Variants in PRLR observed in about 807,000 individuals in gnomAD.
PRLR encodes the protein hPRL receptor.
A neutral mutation model predicts 40.2 loss-of-function variants in PRLR; 13 were observed. That is an observed-to-expected ratio of 0.32 (90% CI 0.21 to 0.51). The LOEUF (loss-of-function observed/expected upper bound fraction) is 0.51, where lower values mean the gene tolerates loss of function less well. Ranked by LOEUF, PRLR falls within the 20% of genes least tolerant of loss-of-function variation. The probability of loss-of-function intolerance (pLI) is 0.97; values close to 1 mark genes in which losing one functional copy is unlikely to be tolerated. For synonymous variants in PRLR, 269 were observed against 278.7 expected (o/e 0.97, Z 0.35); for missense variants, 656 against 747.3 (o/e 0.88, Z 1.42).
chr5:35,199,815 C>A (rs1027354534), intron 1 of PRLR, among the ~76,000 whole-genome samples: 3 of 151,922 alleles, frequency 2.0e-5, no homozygotes, highest in African/African-American at 4.8e-5. Context: ...AAATTTGCAC[C>A]CGAAGGTATT....
rs554162190 is a variant in PRLR at position 35,200,585 on chromosome 5, G to A, written c.-106+29683C>T. 3.0e-4 allele frequency among the ~76,000 whole-genome samples: 46 copies of A among 152,310 alleles called. No homozygotes were observed. The Middle Eastern group carries it at 0.01, about 34-fold the overall frequency. On this transcript the variant is annotated intron_variant, in intron 1 of 9. Transcript: ENST00000618457. ...CAAGAACAAGGCTTTTCTTAACCAA[G>A]CTGTCCTGGCAGCTGAGGAAGGAGT...
chr5:35,052,458 G>A (rs972886908), downstream of PRLR, among the ~76,000 whole-genome samples: 2 of 152,084 alleles, frequency 1.3e-5, no homozygotes, highest in African/African-American at 4.8e-5. Flanking sequence ...ATAACTAAGG[G>A]TATCTGAAAA....
At chr5:35,117,442 T>G (rs1045624638) in intron 2 of PRLR, among the ~76,000 whole-genome samples, 4 of 152,188 alleles carry the variant, frequency 2.6e-5, no homozygotes, top group Admixed American at 2.0e-4. Context: ...TTGCCTGTAG[T>G]GTAGACAGAG....
chr5:35,102,497 A>T (rs138830464), intron 2 of PRLR, among the ~76,000 whole-genome samples: 9,031 of 68,464 alleles, frequency 0.13, 597 homozygotes, highest in African/African-American at 0.19. Context: ...TCTCCTCTCC[A>T]CTCCTCTCCT....
chr5:35,177,955 A>C (rs1775191896), intron 1 of PRLR, among the ~76,000 whole-genome samples: 1 of 151,254 alleles, frequency 6.6e-6, no homozygotes, highest in Non-Finnish European at 1.5e-5. Context: ...AATTGTCCAC[A>C]TCCTTGCCAA....
At chr5:35,208,177 G>GCGCA (rs1554056224) in intron 1 of PRLR, among the ~76,000 whole-genome samples, 6 of 87,242 alleles carry the variant, frequency 6.9e-5, no homozygotes, top group African/African-American at 1.3e-4. Flanking sequence ...CCACGCGCGC[G>GCGCA]CACACACACA....
intron 1 of PRLR, among the ~76,000 whole-genome samples, chr5:35,127,026 G>GT (rs1414538593): frequency 6.6e-5 from 10 of 152,320 alleles, no homozygotes; most frequent in African/African-American, 2.2e-4. Flanking sequence ...GCCACCTGGA[G>GT]TAAGAACTGC....
At chr5:35,049,275 T>C (rs1220011742) in exon 9 of PRLR, 4 of 703,390 alleles carry the variant, frequency 5.7e-6, no homozygotes, top group Admixed American at 2.0e-5. Flanking sequence ...TTCTGGTATA[T>C]GCTCTTCAGC....
chr5:35,093,902 T>C (rs773167393), intron 2 of PRLR, among the ~76,000 whole-genome samples: 1 of 152,238 alleles, frequency 6.6e-6, no homozygotes, highest in Non-Finnish European at 1.5e-5. Context: ...GACAGCTGTA[T>C]AGGTTTGTAG....
At chr5:35,052,234 T>G (rs534359503), downstream of PRLR, among the ~76,000 whole-genome samples, 20 of 152,264 alleles carry the variant, frequency 1.3e-4, 1 homozygote, top group South Asian at 2.5e-3. Context: ...CAAAAATACT[T>G]CATGTATAAG....
At chr5:35,174,092 T>G (rs539617727) in intron 1 of PRLR, among the ~76,000 whole-genome samples, 29 of 151,654 alleles carry the variant, frequency 1.9e-4, no homozygotes, top group African/African-American at 6.5e-4. Context: ...GTTCGGTTTT[T>G]TTTTTTTTTT....
At chr5:35,127,679 A>T (rs1375267841) in intron 1 of PRLR, among the ~76,000 whole-genome samples, 2 of 152,204 alleles carry the variant, frequency 1.3e-5, no homozygotes, top group Non-Finnish European at 2.9e-5. Context: ...CATAGAAAAA[A>T]AGGAAGCACT....
intron 2 of PRLR, among the ~76,000 whole-genome samples, chr5:35,100,990 T>C (rs748848127): frequency 6.6e-6 from 1 of 152,134 alleles, no homozygotes; most frequent in Non-Finnish European, 1.5e-5. Flanking sequence ...GTTGGGCAAA[T>C]CTAGGGACAA....
intron 1 of PRLR, among the ~76,000 whole-genome samples, chr5:35,141,558 T>C (rs1014837752): frequency 2.6e-5 from 4 of 152,194 alleles, no homozygotes; most frequent in African/African-American, 9.7e-5. Flanking sequence ...TTTCTTGCTA[T>C]CTTGAAACAA....
At chr5:35,096,661 C>G (rs995451007) in intron 2 of PRLR, among the ~76,000 whole-genome samples, 2 of 151,384 alleles carry the variant, frequency 1.3e-5, no homozygotes, top group African/African-American at 4.9e-5. Context: ...TGTTCTGACA[C>G]CCAGGCAGGA....
intron 1 of PRLR, among the ~76,000 whole-genome samples, chr5:35,196,205 C>T (rs1213129859): frequency 6.6e-6 from 1 of 152,090 alleles, no homozygotes; most frequent in Non-Finnish European, 1.5e-5. Context: ...CATGAAAGGC[C>T]AAGCTGGCAA....
chr5:35,191,686 T>A (rs1176966992), intron 1 of PRLR, among the ~76,000 whole-genome samples: 1 of 152,204 alleles, frequency 6.6e-6, no homozygotes, highest in Non-Finnish European at 1.5e-5. Context: ...AGAAATTCTG[T>A]TCTGGTTAGC....
In PRLR at chr5:35,060,119, CAAA is replaced by C. The variant is rs1768949960; in HGVS notation, c.*4967_*4969del. The C allele has an allele frequency of 1.3e-5, 2 of 152,130 alleles. No homozygotes were observed. The highest frequency in any genetic ancestry group is 2.4e-5 in the African/African-American group (1 of 41,402). 9.4% of individuals were successfully genotyped at this position (152,130 alleles called of 1,614,324 possible). A position where few individuals can be genotyped will look rare whatever the true frequency, so the allele number is the denominator to read the frequency against. The stretch of plus-strand genomic sequence containing the variant: ...AACATGGGCTTAATCTCTAAGTATG[CAAA>C]TCTCTAAATGGGATATACTTGTGAT... On this transcript the variant is annotated 3_prime_UTR_variant, in exon 10 of 10. Transcript: ENST00000618457.
chr5:35,075,958 A>G (rs1770065056), intron 5 of PRLR, among the ~76,000 whole-genome samples: 1 of 152,260 alleles, frequency 6.6e-6, no homozygotes. Flanking sequence ...AAACTCCAAC[A>G]GACCTGCAGC....
Sources: allele counts gnomAD v4.1 joint callset (sites outside exome capture counted in the v4.1 genomes callset), GRCh38; gene constraint gnomAD v4.1.1; transcripts MANE v1.5; gene names NCBI Gene and HGNC (gene_info 2026-07-23, HGNC 2026-07-21).